C21orf91: variants seen among roughly 807,000 people sequenced by gnomAD.
C21orf91 encodes protein EURL homolog.
In C21orf91, 26 loss-of-function variants were observed where a neutral mutation model predicts 32.9. That is an observed-to-expected ratio of 0.79 (90% CI 0.58 to 1.10). The LOEUF (loss-of-function observed/expected upper bound fraction) is 1.10. C21orf91 is among the 50% of genes least tolerant of loss of function. The pLI is 0.00. For missense variants in C21orf91, 310 were observed against 341.3 expected, an observed-to-expected ratio of 0.91 and a Z score of 0.72; for synonymous variants, 126 against 120.4, an observed-to-expected ratio of 1.05 and a Z score of -0.31.
chr21:17,807,980 T>TC (rs1241447276), intron 2 of C21orf91, among the ~76,000 whole-genome samples: 1 of 152,068 alleles, frequency 6.6e-6, no homozygotes, highest in Non-Finnish European at 1.5e-5. Flanking sequence ...AAAGAAAAGC[T>TC]CATTTTCTGG....
Position 17,791,798 on chromosome 21 carries a change from G to T in C21orf91, c.*1617C>A, listed in dbSNP as rs1226821750. 1 of 152,072 alleles carries T rather than the reference G, an allele frequency of 6.6e-6. No individual in the cohort carries two copies. The highest frequency in any genetic ancestry group is 1.9e-4 in the East Asian group (1 of 5,200). 9.4% of individuals were successfully genotyped at this position (152,072 alleles called of 1,614,324 possible). On this transcript the variant is annotated 3_prime_UTR_variant, in exon 5 of 5. Transcript: ENST00000284881. ...TTTTGCATGACTTAAAGAATTGAGA[G>T]AAATCGAAAGCATCTTTCAAAAATT...
At chr21:17,813,139 T>C (rs2062643690) in intron 2 of C21orf91, among the ~76,000 whole-genome samples, 1 of 152,204 alleles carries the variant, frequency 6.6e-6, no homozygotes, top group African/African-American at 2.4e-5. Flanking sequence ...GGATGGGAAA[T>C]GAGAAAGAGG....
chr21:17,795,340 C>T (rs1286984943), intron 3 of C21orf91, 70 bp from the exon 4 acceptor site: 2 of 994,842 alleles, frequency 2.0e-6, no homozygotes, highest in Admixed American at 3.5e-5. Flanking sequence ...ATCACCAACA[C>T]AATATCCTAT....
chr21:17,809,493 T>C (rs2062618648), intron 2 of C21orf91, among the ~76,000 whole-genome samples: 1 of 152,178 alleles, frequency 6.6e-6, no homozygotes, highest in Non-Finnish European at 1.5e-5. Context: ...AGAGTAGCAA[T>C]TATCATTCAT....
intron 2 of C21orf91, among the ~76,000 whole-genome samples, chr21:17,797,775 G>A (rs2062530812): frequency 6.6e-6 from 1 of 151,860 alleles, no homozygotes; most frequent in African/African-American, 2.4e-5. Flanking sequence ...CCATACAGCA[G>A]TAAATTCAAT....
At position 17,793,426 on chromosome 21, in the gene C21orf91, T is replaced by C. The variant is rs756237428; in HGVS notation, c.883A>G (p.Ile295Val). 6.2e-7 allele frequency: 1 copy of C among 1,607,786 alleles called. No individual in the cohort carries two copies. Among genetic ancestry groups the C allele is most frequent in the Non-Finnish European group, 8.5e-7 (1 of 1,175,950 alleles). ...TAAGTCTGTTTAGGTCAGTTGTTTA[T>C]GGGTAGGTGCGACTTCATTCCTGTT... Reference protein sequence around the residue: ...GRTGMKSHLPINN With the variant: ...GRTGMKSHLPVNN Residue 295 changes from isoleucine (I) to valine (V), a missense_variant, in exon 5 of 5, where the codon ATA becomes GTA. Ile to Val is a conservative substitution (Grantham distance 29, BLOSUM62 3). Coordinates refer to ENST00000284881, the MANE Select transcript of C21orf91 (RefSeq NM_001100420.2).
chr21:17,793,410 T>G lies in C21orf91; in HGVS notation c.*5A>C. On this transcript the variant is annotated 3_prime_UTR_variant, in exon 5 of 5. Transcript: ENST00000284881. Reference sequence around the variant, plus strand: ...GGCAGGGCATACGAAGTAAGTCTGTTTAGGTCAGTTGTTTATGGGTAGGTG... The same window carrying G: ...GGCAGGGCATACGAAGTAAGTCTGTGTAGGTCAGTTGTTTATGGGTAGGTG... 1.3e-6 allele frequency: 2 copies of G among 1,593,034 alleles called. No homozygotes were observed. The highest frequency in any genetic ancestry group is 1.7e-5 in the Admixed American group (1 of 58,504).
At chr21:17,817,499 AG>A (rs935465447) in intron 2 of C21orf91, among the ~76,000 whole-genome samples, 8 of 152,140 alleles carry the variant, frequency 5.3e-5, no homozygotes, top group Non-Finnish European at 7.4e-5. Flanking sequence ...AGGAATATTA[AG>A]GTTTTTTTTA....
chr21:17,805,982 A>AC (rs898512084), intron 2 of C21orf91, among the ~76,000 whole-genome samples: 2 of 6,698 alleles, frequency 3.0e-4, no homozygotes, highest in Non-Finnish European at 4.6e-4. Flanking sequence ...AAAGTTTCCT[A>AC]TGATAGACAA....
chr21:17,812,931 G>A (rs1230219891), intron 2 of C21orf91, among the ~76,000 whole-genome samples: 2 of 152,120 alleles, frequency 1.3e-5, no homozygotes, highest in African/African-American at 4.8e-5. Context: ...TTGCCCAAAT[G>A]CAGGGCCCTC....
At position 17,796,912 on chromosome 21, in the gene C21orf91, A is replaced by G. The variant is rs914837838; in HGVS notation, c.334T>C (p.Cys112Arg). Residue 112 changes from cysteine to arginine, a missense_variant, in exon 3 of 5, where the codon TGT becomes CGT. By Grantham distance (180) the Cys-to-Arg change is radical (BLOSUM62 -3). Transcript: ENST00000284881. ...QNKDLDSDSE[C>R]SKNPQHHLFN... The stretch of plus-strand genomic sequence containing the variant: ...AGATGATGCTGGGGGTTTTTAGAAC[A>G]TTCAGAATCTGAATCCAGATCCTTA... 1 of 1,613,402 alleles carries G rather than the reference A, an allele frequency of 6.2e-7. No individual in the cohort carries two copies. The highest frequency in any genetic ancestry group is 1.7e-5 in the Admixed American group (1 of 59,966).
At chr21:17,809,723 G>C (rs1339433015) in intron 2 of C21orf91, among the ~76,000 whole-genome samples, 4 of 151,948 alleles carry the variant, frequency 2.6e-5, no homozygotes, top group Non-Finnish European at 4.4e-5. Context: ...TGATTTTGGG[G>C]ATTTGTTTAT....
chr21:17,806,379 G>C (rs2062593916), intron 2 of C21orf91, among the ~76,000 whole-genome samples: 1 of 152,312 alleles, frequency 6.6e-6, no homozygotes, highest in East Asian at 1.9e-4. Flanking sequence ...GGAAAAAAGG[G>C]AAAAGTTTTT....
At chr21:17,801,782 G>A (rs1325329062) in intron 2 of C21orf91, among the ~76,000 whole-genome samples, 5 of 151,230 alleles carry the variant, frequency 3.3e-5, no homozygotes, top group South Asian at 4.2e-4. Context: ...ACCACGGCAT[G>A]TGTATACCTA....
Position 17,797,112 on chromosome 21 carries a change from G to T in C21orf91, c.134C>A (p.Pro45Gln). The T allele has an allele frequency of 6.4e-7, 1 of 1,566,984 alleles. No homozygotes were observed. The highest frequency in any genetic ancestry group is 8.6e-7 in the Non-Finnish European group (1 of 1,159,782). Residue 45 changes from proline to glutamine, a missense_variant, in exon 3 of 5, where the codon CCA becomes CAA. By Grantham distance (76) the Pro-to-Gln change is moderately conservative. Coordinates refer to ENST00000284881, the MANE Select transcript of C21orf91 (RefSeq NM_001100420.2). ...ICFELNIEGV[P>Q]KSDLLHTKSL... ...TTTGGTGTGCAAGAGATCAGACTTTGGTACCCCTATGGAAAAAAAAGAGAA... is the reference window on the plus strand; with the variant it reads ...TTTGGTGTGCAAGAGATCAGACTTTTGTACCCCTATGGAAAAAAAAGAGAA...
intron 2 of C21orf91, 80 bp downstream of exon 2, chr21:17,818,112 T>A: frequency 1.0e-6 from 1 of 954,470 alleles, no homozygotes; most frequent in Non-Finnish European, 1.6e-6. Flanking sequence ...ATTGAAGACA[T>A]TTTAGTTTTA....
At chr21:17,797,556 A>G (rs1297239339) in intron 2 of C21orf91, among the ~76,000 whole-genome samples, 1 of 151,694 alleles carries the variant, frequency 6.6e-6, no homozygotes, top group Non-Finnish European at 1.5e-5. Context: ...AAACACAGTA[A>G]ATCATGTTCT....
intron 2 of C21orf91, among the ~76,000 whole-genome samples, chr21:17,816,006 T>C (rs183236862): frequency 1.3e-5 from 2 of 152,322 alleles, no homozygotes; most frequent in East Asian, 3.9e-4. Flanking sequence ...CTGATCACTG[T>C]AGTGAAAATG....
At chr21:17,799,311 T>C (rs941540009) in intron 2 of C21orf91, among the ~76,000 whole-genome samples, 1 of 151,930 alleles carries the variant, frequency 6.6e-6, no homozygotes, top group Non-Finnish European at 1.5e-5. Context: ...ATGATTCATA[T>C]AATATAATTT....
Sources: allele counts gnomAD v4.1 joint callset (sites outside exome capture counted in the v4.1 genomes callset), GRCh38; gene constraint gnomAD v4.1.1; transcripts MANE v1.5; gene names NCBI Gene and HGNC (gene_info 2026-07-23, HGNC 2026-07-21).